The following KIAA2012 variants were observed in gnomAD, a reference collection of about 807,000 sequenced individuals.
KIAA2012 encodes the protein uncharacterized protein KIAA2012.
KIAA2012 carries 125 observed loss-of-function variants against 150.6 expected under a neutral mutation model. That is an observed-to-expected ratio of 0.83 (90% confidence interval 0.72 to 0.96). The LOEUF is 0.96. KIAA2012 is among the 40% of genes least tolerant of loss of function. The pLI, the probability that KIAA2012 is intolerant of heterozygous loss-of-function variation, is 0.00. For missense variants in KIAA2012, 1,219 were observed against 1,354.9 expected, an observed-to-expected ratio of 0.90 and a Z score of 1.57; for synonymous variants, 462 against 504.7, an observed-to-expected ratio of 0.92 and a Z score of 1.13.
intron 18 of KIAA2012, 119 bp downstream of exon 18, chr2:202,188,385 C>G (rs1692269824): frequency 1.4e-6 from 1 of 734,156 alleles, no homozygotes; most frequent in East Asian, 2.7e-5. Flanking sequence ...GACTTCTTGA[C>G]TACTACAGCC....
chr2:202,121,401 T>C (rs1397679192), intron 11 of KIAA2012, among the ~76,000 whole-genome samples: 1 of 152,232 alleles, frequency 6.6e-6, no homozygotes, highest in African/African-American at 2.4e-5. Flanking sequence ...TTGCACTCCA[T>C]CTTGTAAAGT....
intron 15 of KIAA2012, among the ~76,000 whole-genome samples, chr2:202,167,414 G>A (rs1209207193): frequency 6.6e-6 from 1 of 152,178 alleles, no homozygotes; most frequent in Non-Finnish European, 1.5e-5. Context: ...AAGTTCTCAG[G>A]TGATTCTGAT....
chr2:202,090,899 C>G lies in KIAA2012; in HGVS notation c.499C>G (p.Pro167Ala), dbSNP rs1262615910. The G allele has an allele frequency of 6.5e-7, 1 of 1,550,214 alleles. No individual in the cohort carries two copies. Among genetic ancestry groups the G allele is most frequent in the Admixed American group, 2.0e-5 (1 of 50,968 alleles). Residue 167 changes from proline (P) to alanine (A), a missense_variant, in exon 3 of 24, where the codon CCA becomes GCA. Coordinates refer to ENST00000498697, the MANE Select transcript of KIAA2012 (RefSeq NM_001277372.4). Reference protein sequence around the residue: ...YLRGLLRTWPPDAMYRLWCAG... With the variant: ...YLRGLLRTWPADAMYRLWCAG... ...CCGAGGCCTCCTGCGGACTTGGCCCCCAGACGCCATGTATAGGCTCTGGTG... is the reference window on the plus strand; with the variant it reads ...CCGAGGCCTCCTGCGGACTTGGCCCGCAGACGCCATGTATAGGCTCTGGTG...
At chr2:202,167,673 G>A (rs1488685625) in intron 15 of KIAA2012, among the ~76,000 whole-genome samples, 1 of 151,842 alleles carries the variant, frequency 6.6e-6, no homozygotes, top group Non-Finnish European at 1.5e-5. Flanking sequence ...CTGCATCTCG[G>A]CCTCTAAAAA....
intron 15 of KIAA2012, among the ~76,000 whole-genome samples, chr2:202,183,466 G>A (rs1433513928): frequency 1.0e-4 from 14 of 134,018 alleles, no homozygotes; most frequent in Admixed American, 4.7e-4. Flanking sequence ...GTTTTTGGGG[G>A]GTTTTTTAAA....
intron 12 of KIAA2012, chr2:202,136,042 CGG>C: frequency 2.5e-6 from 1 of 394,302 alleles, no homozygotes; most frequent in Non-Finnish European, 5.1e-6. Context: ...CTGTTGTGTC[CGG>C]AAATGGTGGG....
intron 12 of KIAA2012, chr2:202,136,007 AT>A (rs34854434): frequency 4.2e-4 from 131 of 308,936 alleles, no homozygotes; most frequent in South Asian, 1.9e-3. Flanking sequence ...AAAAAAAAAA[AT>A]TTTTTTTGAA....
chr2:202,157,849 T>C (rs967793607), intron 14 of KIAA2012, among the ~76,000 whole-genome samples: 22 of 152,180 alleles, frequency 1.4e-4, no homozygotes, highest in Admixed American at 8.5e-4. Context: ...GCACTCCTTC[T>C]AGAAAATTCC....
chr2:202,100,363 C>T lies in KIAA2012; in HGVS notation c.1069C>T (p.Leu357Phe). The change falls in exon 7 of 24, where the codon CTT (leucine) becomes TTT (phenylalanine). Residue 357 changes from leucine to phenylalanine, a missense_variant. Coordinates refer to ENST00000498697, the MANE Select transcript of KIAA2012 (RefSeq NM_001277372.4). ...KARSSHLLQV[L>F]PAERSLFPPV... ...CAGAAGCAGCCACTTGTTACAGGTG[C>T]TTCCTGCTGAAAGAAGCCTCTTCCC... The T allele has an allele frequency of 6.4e-7, 1 of 1,550,598 alleles. No homozygotes were observed. Among genetic ancestry groups the T allele is most frequent in the South Asian group, 1.2e-5 (1 of 84,068 alleles).
intron 12 of KIAA2012, among the ~76,000 whole-genome samples, chr2:202,128,434 T>G (rs1402822367): frequency 9.5e-6 from 1 of 105,714 alleles, no homozygotes; most frequent in Non-Finnish European, 1.8e-5. Context: ...CCTGTCTTTT[T>G]GGGGGTTTTT....
intron 15 of KIAA2012, among the ~76,000 whole-genome samples, chr2:202,177,800 G>A (rs1470333328): frequency 3.9e-5 from 6 of 152,144 alleles, no homozygotes; most frequent in Admixed American, 1.3e-4. Context: ...TATTGATTGA[G>A]TTTCCAACAC....
intron 12 of KIAA2012, 142 bp downstream of exon 12, chr2:202,125,424 A>T: frequency 3.0e-6 from 2 of 677,086 alleles, no homozygotes; most frequent in Non-Finnish European, 5.0e-6. Context: ...TGCTTCTTGG[A>T]AAGCCTGAGA....
In KIAA2012 at chr2:202,113,422, A is replaced by C. The variant is rs1384645846; in HGVS notation, c.1738A>C (p.Thr580Pro). The C allele has an allele frequency of 6.5e-7, 1 of 1,549,308 alleles. No individual in the cohort carries two copies. Among genetic ancestry groups the C allele is most frequent in the East Asian group, 2.4e-5 (1 of 40,870 alleles). Residue 580 changes from threonine to proline, a missense_variant, in exon 11 of 24, where the codon ACC becomes CCC. By Grantham distance (38) the Thr-to-Pro change is conservative (BLOSUM62 -1). Transcript: ENST00000498697. ...CCTGTCCCTCCCAGGGCATACCCAA[A>C]CCGAGGCGCTTCCATCGGGTAAAGG... ...VCLSLPGHTQ[T>P]EALPSGKAYE...
chr2:202,161,124 G>C (rs1691646066), intron 14 of KIAA2012, among the ~76,000 whole-genome samples: 1 of 152,118 alleles, frequency 6.6e-6, no homozygotes, highest in Admixed American at 6.5e-5. Flanking sequence ...GAGGCTCAGG[G>C]GTTAAGTAAC....
At chr2:202,165,933 C>A (rs556992787) in intron 15 of KIAA2012, among the ~76,000 whole-genome samples, 3 of 152,316 alleles carry the variant, frequency 2.0e-5, no homozygotes, top group African/African-American at 7.2e-5. Flanking sequence ...AGCTTCTAAG[C>A]AGATTTCTGT....
chr2:202,166,588 G>A (rs1691768822), intron 15 of KIAA2012, among the ~76,000 whole-genome samples: 1 of 151,526 alleles, frequency 6.6e-6, no homozygotes, highest in African/African-American at 2.4e-5. Flanking sequence ...GGAGTTTGAG[G>A]CTGCTGTGAG....
chr2:202,119,255 G>A (rs1690602602), intron 11 of KIAA2012, among the ~76,000 whole-genome samples: 1 of 144,064 alleles, frequency 6.9e-6, no homozygotes. Flanking sequence ...CTGGGCAACA[G>A]AGCGAGACTC....
chr2:202,143,786 T>C (rs1559219219), intron 13 of KIAA2012, among the ~76,000 whole-genome samples: 1 of 152,244 alleles, frequency 6.6e-6, no homozygotes, highest in Non-Finnish European at 1.5e-5. Flanking sequence ...GTTTATTGAA[T>C]AGAGTCATCA....
At chr2:202,147,885 T>C (rs1691334263) in intron 13 of KIAA2012, among the ~76,000 whole-genome samples, 1 of 152,130 alleles carries the variant, frequency 6.6e-6, no homozygotes, top group African/African-American at 2.4e-5. Context: ...TAAAATAGAA[T>C]GTGTCATCTC....
Sources: gnomAD v4.1 joint callset for allele counts (sites outside exome capture counted in the v4.1 genomes callset) on GRCh38, gnomAD v4.1.1 for gene constraint, MANE v1.5 for transcripts, NCBI Gene and HGNC (gene_info 2026-07-23, HGNC 2026-07-21) for gene names.